NKAIN2: variants seen among roughly 807,000 people sequenced by gnomAD.
NKAIN2 encodes sodium/potassium-transporting ATPase subunit beta-1-interacting protein 2.
In NKAIN2, 14 loss-of-function variants were observed where a neutral mutation model predicts 32.6. The observed-to-expected ratio is 0.43, with a 90% CI of 0.28 to 0.67. The LOEUF is 0.67. NKAIN2 is among the 30% of genes least tolerant of loss of function. NKAIN2 has a pLI of 0.17. For synonymous variants in NKAIN2, 80 were observed against 87.2 expected (o/e 0.92, Z 0.46); for missense variants, 198 against 258.3 (o/e 0.77, Z 1.60).
intron 2 of NKAIN2, among the ~76,000 whole-genome samples, chr6:124,324,536 T>C (rs959002580): frequency 6.6e-6 from 1 of 152,110 alleles, no homozygotes; most frequent in Non-Finnish European, 1.5e-5. Flanking sequence ...ACTGAATTCC[T>C]TTTTTTCTGA....
At chr6:123,956,120 T>A (rs1225781707) in intron 1 of NKAIN2, among the ~76,000 whole-genome samples, 1 of 152,174 alleles carries the variant, frequency 6.6e-6, no homozygotes, top group Non-Finnish European at 1.5e-5. Flanking sequence ...CGTAATTACA[T>A]GTAAAATGCT....
chr6:124,775,195 T>C (rs1778933430), intron 4 of NKAIN2, among the ~76,000 whole-genome samples: 1 of 152,174 alleles, frequency 6.6e-6, no homozygotes, highest in Non-Finnish European at 1.5e-5. Flanking sequence ...TTCATTGGAC[T>C]GGGAGTGAGG....
intron 1 of NKAIN2, among the ~76,000 whole-genome samples, chr6:123,881,651 T>C (rs960153669): frequency 1.3e-5 from 2 of 152,200 alleles, no homozygotes; most frequent in Non-Finnish European, 2.9e-5. Context: ...AAATGTTTTC[T>C]ATTTGTGGAT....
At chr6:124,136,185 G>A (rs1226039037) in intron 1 of NKAIN2, among the ~76,000 whole-genome samples, 6 of 151,954 alleles carry the variant, frequency 3.9e-5, no homozygotes, top group African/African-American at 1.5e-4. Context: ...AAACAAAATG[G>A]GAGATATTAC....
chr6:124,155,988 G>A (rs889155669), intron 1 of NKAIN2, among the ~76,000 whole-genome samples: 3 of 151,588 alleles, frequency 2.0e-5, no homozygotes, highest in Admixed American at 2.0e-4. Context: ...AGGGATACTA[G>A]GCCCCATTAT....
chr6:124,256,051 T>A (rs561921204), intron 1 of NKAIN2, among the ~76,000 whole-genome samples: 1 of 152,300 alleles, frequency 6.6e-6, no homozygotes, highest in Admixed American at 6.5e-5. Flanking sequence ...TAAATCACTC[T>A]CTTACAAGGG....
intron 1 of NKAIN2, among the ~76,000 whole-genome samples, chr6:124,009,411 G>A (rs370002226): frequency 1.0e-3 from 155 of 152,276 alleles, no homozygotes; most frequent in African/African-American, 3.6e-3. Flanking sequence ...CTAAGTCTTA[G>A]GTAGTCTGCT....
chr6:124,303,134 A>G lies in NKAIN2; in HGVS notation c.192+19992A>G, dbSNP rs568090308. Among the ~76,000 whole-genome samples the G allele has an allele frequency of 1.3e-4, 20 of 152,356 alleles. No individual in the cohort carries two copies. The South Asian group carries it at 1.5e-3, about 11-fold the overall frequency. ...ACTATTAGAGAACTTTAAGATGCAC[A>G]AAATATAAAAAACAACTTGTGAAGA... is the stretch of plus-strand genomic sequence containing the variant. On this transcript the variant is annotated intron_variant, in intron 2 of 6. Coordinates refer to ENST00000368417, the MANE Select transcript of NKAIN2 (RefSeq NM_001040214.3).
At chr6:124,581,842 T>C (rs1387160715) in intron 3 of NKAIN2, among the ~76,000 whole-genome samples, 1 of 152,112 alleles carries the variant, frequency 6.6e-6, no homozygotes, top group Non-Finnish European at 1.5e-5. Context: ...CCAAAACCTG[T>C]AAAACATACC....
chr6:124,783,611 A>G (rs562493628), intron 4 of NKAIN2, among the ~76,000 whole-genome samples: 7 of 152,312 alleles, frequency 4.6e-5, no homozygotes, highest in South Asian at 2.1e-4. Flanking sequence ...GTGTTCCACA[A>G]TAGTCCAGCC....
chr6:124,705,456 T>C (rs115891537), intron 4 of NKAIN2, among the ~76,000 whole-genome samples: 1 of 152,092 alleles, frequency 6.6e-6, no homozygotes, highest in East Asian at 1.9e-4. Context: ...GATGTGGGGA[T>C]AGTGAACATT....
At chr6:124,767,121 C>T (rs921886927) in intron 4 of NKAIN2, among the ~76,000 whole-genome samples, 3 of 152,170 alleles carry the variant, frequency 2.0e-5, no homozygotes, top group East Asian at 1.9e-4. Flanking sequence ...GTTTCAAACT[C>T]CTGACCTCGT....
At chr6:123,866,309 T>TA (rs1292387778) in intron 1 of NKAIN2, among the ~76,000 whole-genome samples, 5 of 152,372 alleles carry the variant, frequency 3.3e-5, no homozygotes, top group African/African-American at 1.2e-4. Context: ...AAAGAGTAAT[T>TA]ACATTCATTG....
chr6:124,725,020 T>A (rs1776202956), intron 4 of NKAIN2, among the ~76,000 whole-genome samples: 1 of 152,238 alleles, frequency 6.6e-6, no homozygotes, highest in East Asian at 1.9e-4. Flanking sequence ...ACAACTCTGC[T>A]AAGTTTACCC....
At chr6:124,197,971 C>T (rs376141960) in intron 1 of NKAIN2, among the ~76,000 whole-genome samples, 14 of 151,870 alleles carry the variant, frequency 9.2e-5, no homozygotes, top group African/African-American at 3.4e-4. Flanking sequence ...CTGAGAAGGG[C>T]CAGCTTTCGA....
chr6:123,959,187 T>C (rs1777731380), intron 1 of NKAIN2, among the ~76,000 whole-genome samples: 1 of 152,214 alleles, frequency 6.6e-6, no homozygotes, highest in African/African-American at 2.4e-5. Context: ...GAGGATAGCA[T>C]TCTCCCTTTG....
chr6:124,192,822 T>C (rs552511427), intron 1 of NKAIN2, among the ~76,000 whole-genome samples: 26 of 140,358 alleles, frequency 1.9e-4, no homozygotes, highest in Admixed American at 1.4e-3. Context: ...CGATCTCGGC[T>C]CACTGCAAGC....
intron 1 of NKAIN2, among the ~76,000 whole-genome samples, chr6:123,874,447 A>G (rs1213164249): frequency 6.6e-6 from 1 of 152,164 alleles, no homozygotes; most frequent in African/African-American, 2.4e-5. Context: ...TGACTGGGAA[A>G]AGGCATGAGT....
At chr6:124,141,301 C>T (rs1002883000) in intron 1 of NKAIN2, among the ~76,000 whole-genome samples, 38 of 152,046 alleles carry the variant, frequency 2.5e-4, no homozygotes, top group Non-Finnish European at 4.4e-5. Flanking sequence ...CTTCTTGGAC[C>T]GTTAGCTAAA....
Sources: allele counts gnomAD v4.1 joint callset (sites outside exome capture counted in the v4.1 genomes callset), GRCh38; gene constraint gnomAD v4.1.1; transcripts MANE v1.5; gene names NCBI Gene and HGNC (gene_info 2026-07-23, HGNC 2026-07-21).